ZNF385D: variants seen among roughly 807,000 people sequenced by gnomAD.
ZNF385D encodes the protein zinc finger protein 385D.
A neutral mutation model predicts 35.8 loss-of-function variants in ZNF385D; 15 were observed. That is an observed-to-expected ratio of 0.42 (90% CI 0.28 to 0.64). The LOEUF is 0.64. Ranked by LOEUF, ZNF385D falls within the 30% of genes least tolerant of loss-of-function variation. The pLI, the probability that ZNF385D is intolerant of heterozygous loss-of-function variation, is 0.23. For missense variants in ZNF385D, 474 were observed against 494.6 expected (o/e 0.96, Z 0.39); for synonymous variants, 212 against 186.8 (o/e 1.13, Z -1.10).
chr3:21,639,668 A>G (rs1242686428), intron 2 of ZNF385D, among the ~76,000 whole-genome samples: 2 of 152,022 alleles, frequency 1.3e-5, no homozygotes, highest in East Asian at 3.9e-4. Flanking sequence ...ATGAATATTA[A>G]TATTTGACCA....
intron 3 of ZNF385D, among the ~76,000 whole-genome samples, chr3:22,068,379 C>G (rs951637298): frequency 1.3e-5 from 2 of 152,172 alleles, no homozygotes; most frequent in Non-Finnish European, 2.9e-5. Flanking sequence ...CATTAAAACC[C>G]GAGATACTGT....
intron 3 of ZNF385D, among the ~76,000 whole-genome samples, chr3:21,961,176 CGTAA>C (rs1702567945): frequency 6.6e-6 from 1 of 151,230 alleles, no homozygotes; most frequent in Non-Finnish European, 1.5e-5. Context: ...CTCTGTATGC[CGTAA>C]GTATGTGCAA....
chr3:21,474,464 G>A (rs2125355128), intron 4 of ZNF385D, among the ~76,000 whole-genome samples: 1 of 152,212 alleles, frequency 6.6e-6, no homozygotes, highest in South Asian at 2.1e-4. Context: ...TAACATGAGA[G>A]TAACACGAGG....
chr3:21,804,570 A>G (rs922739116), intron 3 of ZNF385D, among the ~76,000 whole-genome samples: 4 of 152,178 alleles, frequency 2.6e-5, no homozygotes, highest in African/African-American at 7.2e-5. Flanking sequence ...TCCCTCCCCC[A>G]GAGTGTGCAG....
chr3:21,975,922 T>G (rs890455076), intron 3 of ZNF385D, among the ~76,000 whole-genome samples: 6 of 152,008 alleles, frequency 3.9e-5, no homozygotes, highest in African/African-American at 1.4e-4. Flanking sequence ...ATCAAGTGTG[T>G]TGAAAAAAGC....
At chr3:22,099,560 G>C (rs1198709739) in intron 3 of ZNF385D, among the ~76,000 whole-genome samples, 1 of 152,100 alleles carries the variant, frequency 6.6e-6, no homozygotes, top group Non-Finnish European at 1.5e-5. Context: ...TGAGACACAA[G>C]TGCTCACATA....
chr3:21,477,436 A>G (rs1324893473), intron 4 of ZNF385D, among the ~76,000 whole-genome samples: 1 of 152,096 alleles, frequency 6.6e-6, no homozygotes, highest in Non-Finnish European at 1.5e-5. Flanking sequence ...CAAAAATAAT[A>G]GTAATAAACA....
Position 21,930,669 on chromosome 3 carries a change from T to C in ZNF385D, c.325+238148A>G, listed in dbSNP as rs139195920. Among the ~76,000 whole-genome samples, 391 of 152,258 alleles carry C rather than the reference T, an allele frequency of 2.6e-3. 2 individuals are homozygous for C. Among genetic ancestry groups the C allele is most frequent in the African/African-American group, 8.9e-3 (370 of 41,568 alleles). On this transcript the variant is annotated intron_variant, in intron 3 of 5. Coordinates refer to the ZNF385D transcript ENST00000494108. ...AGAACTAAGATGAGAAATTAATCCT[T>C]ACACATGTGGTCAACTGATTTTTGA...
intron 2 of ZNF385D, among the ~76,000 whole-genome samples, chr3:22,304,449 G>T (rs1436580076): frequency 6.6e-6 from 1 of 152,070 alleles, no homozygotes; most frequent in Non-Finnish European, 1.5e-5. Context: ...AAAATTGTAA[G>T]GTATATTAGA....
At chr3:21,432,813 G>T (rs761119283) in intron 5 of ZNF385D, among the ~76,000 whole-genome samples, 12 of 149,960 alleles carry the variant, frequency 8.0e-5, no homozygotes, top group Non-Finnish European at 1.0e-4. Flanking sequence ...ATCAAAGTAG[G>T]AATGCCTCTG....
intron 3 of ZNF385D, among the ~76,000 whole-genome samples, chr3:21,836,196 T>C (rs1387466396): frequency 6.6e-6 from 1 of 152,078 alleles, no homozygotes; most frequent in Non-Finnish European, 1.5e-5. Flanking sequence ...AAAACTGCTT[T>C]GGTCTATAAA....
At chr3:22,007,913 T>C (rs770431505) in intron 3 of ZNF385D, among the ~76,000 whole-genome samples, 12 of 147,966 alleles carry the variant, frequency 8.1e-5, no homozygotes, top group Non-Finnish European at 1.7e-4. Context: ...ATCAATCTTT[T>C]CTTTATCACC....
chr3:22,125,845 T>A (rs546624614), intron 3 of ZNF385D, among the ~76,000 whole-genome samples: 1 of 152,216 alleles, frequency 6.6e-6, no homozygotes, highest in African/African-American at 2.4e-5. Flanking sequence ...AAATACAAGA[T>A]CATATCATCT....
chr3:21,873,877 T>C (rs867977052), intron 3 of ZNF385D, among the ~76,000 whole-genome samples: 2 of 152,158 alleles, frequency 1.3e-5, no homozygotes, highest in South Asian at 4.1e-4. Flanking sequence ...TTTAACTATT[T>C]TTCTCTCCAT....
intron 3 of ZNF385D, among the ~76,000 whole-genome samples, chr3:22,119,387 T>C (rs1559382893): frequency 6.6e-6 from 1 of 152,196 alleles, no homozygotes; most frequent in East Asian, 1.9e-4. Context: ...CTAGACTAAT[T>C]TACTACTATT....
At position 21,747,039 on chromosome 3, in the gene ZNF385D, C is replaced by CTT. The variant is rs201989992; in HGVS notation, c.22+3854_22+3855dup. On this transcript the variant is annotated intron_variant, in intron 1 of 7. Coordinates refer to ENST00000281523, the MANE Select transcript of ZNF385D (RefSeq NM_024697.3). ...TCCTAGAATTTTCCTACTAGATTTT[C>CTT]TTTTTTTTTTTTTTTTAGCTGTTGT... is the stretch of plus-strand genomic sequence containing the variant. Among the ~76,000 whole-genome samples the CTT allele has an allele frequency of 6.8e-3, 926 of 136,242 alleles. 16 individuals are homozygous for CTT. Among genetic ancestry groups the CTT allele is most frequent in the African/African-American group, 0.023 (838 of 35,912 alleles). 89.4% of individuals were successfully genotyped at this position (136,242 alleles called of 152,430 possible).
At chr3:21,633,585 A>G (rs1489963799) in intron 2 of ZNF385D, among the ~76,000 whole-genome samples, 1 of 152,094 alleles carries the variant, frequency 6.6e-6, no homozygotes, top group Non-Finnish European at 1.5e-5. Context: ...AACTATCTTT[A>G]TGCTGCTCTG....
At chr3:22,203,415 T>C (rs1696936597) in intron 2 of ZNF385D, among the ~76,000 whole-genome samples, 1 of 152,150 alleles carries the variant, frequency 6.6e-6, no homozygotes, top group African/African-American at 2.4e-5. Context: ...CAGTGGGCTA[T>C]ACCGGCTTCA....
chr3:21,710,208 T>C (rs551050863), intron 1 of ZNF385D, among the ~76,000 whole-genome samples: 3 of 152,264 alleles, frequency 2.0e-5, no homozygotes, highest in African/African-American at 7.2e-5. Flanking sequence ...CATATTTTGA[T>C]TGATGTGGTA....
Sources: gnomAD v4.1 joint callset for allele counts (sites outside exome capture counted in the v4.1 genomes callset) on GRCh38, gnomAD v4.1.1 for gene constraint, MANE v1.5 for transcripts, NCBI Gene and HGNC (gene_info 2026-07-23, HGNC 2026-07-21) for gene names.